Variants in ERMP1 observed in about 807,000 individuals in gnomAD.
The protein encoded by ERMP1 is endoplasmic reticulum metallopeptidase 1, also known as Felix-ina.
ERMP1 carries 86 observed loss-of-function variants against 92.0 expected under a neutral mutation model. The observed-to-expected ratio is 0.93, with a 90% CI of 0.79 to 1.12. The LOEUF is 1.12. ERMP1 is among the 50% of genes most tolerant of loss of function. The pLI, the probability that ERMP1 is intolerant of heterozygous loss-of-function variation, is 0.00. For synonymous variants in ERMP1, 530 were observed against 412.8 expected (o/e 1.28, Z -3.44); for missense variants, 1,342 against 1,116.3 (o/e 1.20, Z -2.88).
At chr9:5,810,437 G>A (rs988443941) in intron 7 of ERMP1, among the ~76,000 whole-genome samples, 1 of 152,146 alleles carries the variant, frequency 6.6e-6, no homozygotes, top group Non-Finnish European at 1.5e-5. Context: ...TTTATTAAGA[G>A]TCTCTAGATA....
intron 13 of ERMP1, among the ~76,000 whole-genome samples, chr9:5,794,092 C>T (rs181247881): frequency 6.6e-6 from 1 of 152,144 alleles, no homozygotes; most frequent in East Asian, 1.9e-4. Context: ...ACAAAGTATG[C>T]TCTCAGACCA....
intron 5 of ERMP1, among the ~76,000 whole-genome samples, chr9:5,863,565 C>T (rs1830564829): frequency 6.6e-6 from 1 of 152,144 alleles, no homozygotes; most frequent in South Asian, 2.1e-4. Flanking sequence ...TTGGGGCTGG[C>T]ACAGGTCCTC....
rs267602256 is a variant in ERMP1, at chr9:5,805,767, G to A, written c.1567C>T (p.Leu523=). Residue 523 remains leucine (L), a synonymous_variant, in exon 9 of 15, where the codon CTG becomes TTG. Coordinates refer to ENST00000339450, the MANE Select transcript of ERMP1 (RefSeq NM_024896.3). ...FYYMNASAQY[L]GEVFFDISLF... Reference sequence around the variant, plus strand: ...GAAATGTCAAAAAATACTTCTCCCAGATACTGGGCACTGGCATTCTGAAAG... The same window carrying A: ...GAAATGTCAAAAAATACTTCTCCCAAATACTGGGCACTGGCATTCTGAAAG... 2 of 1,606,878 alleles carry A rather than the reference G, an allele frequency of 1.2e-6. No individual in the cohort carries two copies. Among genetic ancestry groups the A allele is most frequent in the South Asian group, 2.2e-5 (2 of 89,754 alleles).
chr9:5,849,360 G>A (rs989957075), intron 6 of ERMP1, among the ~76,000 whole-genome samples: 2 of 152,192 alleles, frequency 1.3e-5, no homozygotes, highest in African/African-American at 4.8e-5. Context: ...GGAGAGAAGG[G>A]ATCCTACAGA....
intron 6 of ERMP1, among the ~76,000 whole-genome samples, chr9:5,838,861 A>G (rs369666804): frequency 3.3e-5 from 5 of 152,208 alleles, no homozygotes; most frequent in African/African-American, 1.2e-4. Flanking sequence ...TAGTAAATAA[A>G]AGAAAGGAAA....
intron 2 of ERMP1, among the ~76,000 whole-genome samples, chr9:5,828,639 C>T (rs1242038704): frequency 6.6e-6 from 1 of 152,154 alleles, no homozygotes; most frequent in African/African-American, 2.4e-5. Context: ...TCTAAGCCAC[C>T]TCTTTGAGAT....
At chr9:5,859,273 A>ATTTCTCTG (rs368728199) in intron 6 of ERMP1, among the ~76,000 whole-genome samples, 1 of 151,722 alleles carries the variant, frequency 6.6e-6, no homozygotes, top group Non-Finnish European at 1.5e-5. Flanking sequence ...ACACTTTGGC[A>ATTTCTCTG]AAGGGAGCTC....
chr9:5,787,314 A>G lies in ERMP1; in HGVS notation c.2551-6T>C. 6.2e-7 allele frequency: 1 copy of G among 1,610,584 alleles called. No homozygotes were observed. Among genetic ancestry groups the G allele is most frequent in the Non-Finnish European group, 8.5e-7 (1 of 1,178,578 alleles). ...TCAGGATGTTCTTCTGAAACCTGCC[A>G]GAGAAAATCAATTAGTTCTCCAGTT... On this transcript the variant is annotated splice_region_variant and splice_polypyrimidine_tract_variant and intron_variant, in intron 14 of 14. Transcript: ENST00000339450.
At chr9:5,804,976 T>G in intron 10 of ERMP1, 51 bp downstream of exon 10, 1 of 1,395,988 alleles carries the variant, frequency 7.2e-7, no homozygotes, top group East Asian at 2.4e-5. Context: ...ATGGCTAAAT[T>G]CATATTCATA....
At chr9:5,850,349 G>A (rs1411854628) in intron 6 of ERMP1, among the ~76,000 whole-genome samples, 2 of 129,478 alleles carry the variant, frequency 1.5e-5, no homozygotes, top group South Asian at 2.5e-4. Context: ...AAGTTGCAGT[G>A]AGCCAAGATC....
chr9:5,812,343 A>C, intron 5 of ERMP1, 126 bp from the exon 6 acceptor site: 1 of 599,408 alleles, frequency 1.7e-6, no homozygotes, highest in South Asian at 2.1e-5. Context: ...GCTTTGTCAC[A>C]TTTACAAACG....
upstream of ERMP1, among the ~76,000 whole-genome samples, chr9:5,838,045 G>A (rs1453283981): frequency 6.6e-6 from 1 of 152,240 alleles, no homozygotes; most frequent in South Asian, 2.1e-4. Context: ...CTTGCAGTGA[G>A]CCAACATCAC....
chr9:5,861,664 C>G (rs1830497960), intron 5 of ERMP1, among the ~76,000 whole-genome samples: 2 of 150,210 alleles, frequency 1.3e-5, no homozygotes, highest in South Asian at 2.1e-4. Context: ...GGGCTCCACT[C>G]TCTTCCCAGT....
At chr9:5,803,016 G>C (rs554085041) in intron 10 of ERMP1, among the ~76,000 whole-genome samples, 7 of 151,026 alleles carry the variant, frequency 4.6e-5, no homozygotes, top group Middle Eastern at 6.8e-3. Flanking sequence ...CTGAGTGACA[G>C]AGCGAGACTC....
chr9:5,854,357 T>C (rs1830346065), intron 6 of ERMP1, among the ~76,000 whole-genome samples: 1 of 152,224 alleles, frequency 6.6e-6, no homozygotes. Flanking sequence ...GCATAGCTAG[T>C]GCAACCTTTT....
At chr9:5,830,343 T>C (rs990069960) in intron 2 of ERMP1, among the ~76,000 whole-genome samples, 14 of 152,162 alleles carry the variant, frequency 9.2e-5, no homozygotes, top group Non-Finnish European at 1.9e-4. Flanking sequence ...GGACTGTCCT[T>C]ATGTGGTATC....
rs566946801 is a variant in ERMP1 at position 5,794,878 on chromosome 9, G to A, written c.2386+2939C>T. Reference sequence around the variant, plus strand: ...AAGCTTTTCAGAAGACAGAAGCAGAGGGAATACTTCTTAACCCATCCTATG... The same window carrying A: ...AAGCTTTTCAGAAGACAGAAGCAGAAGGAATACTTCTTAACCCATCCTATG... On this transcript the variant is annotated intron_variant, in intron 13 of 14. Transcript: ENST00000339450. 2.0e-5 allele frequency among the ~76,000 whole-genome samples: 3 copies of A among 152,268 alleles called. No individual in the cohort carries two copies. The East Asian group carries it at 5.8e-4, about 29-fold the overall frequency.
chr9:5,805,066 G>T lies in ERMP1; in HGVS notation c.1875C>A (p.Ser625=), dbSNP rs762344215. 17 of 1,612,774 alleles carry T rather than the reference G, an allele frequency of 1.1e-5. No individual in the cohort carries two copies. The East Asian group carries it at 3.1e-4, about 30-fold the overall frequency. ...SEIPPDVVLA[S]ILAGCTMILS... ...GAATCATTGTACAGCCAGCCAAAAT[G>T]GATGCCAGCACAACATCAGGTGGGA... Residue 625 remains serine (S), a synonymous_variant, in exon 10 of 15, where the codon TCC becomes TCA. Coordinates refer to ENST00000339450, the MANE Select transcript of ERMP1 (RefSeq NM_024896.3).
At chr9:5,831,316 T>C (rs1468034624) in intron 1 of ERMP1, among the ~76,000 whole-genome samples, 2 of 152,182 alleles carry the variant, frequency 1.3e-5, no homozygotes, top group Non-Finnish European at 2.9e-5. Flanking sequence ...TCAAAACGTG[T>C]GACCACTGGC....
Sources: gnomAD v4.1 joint callset for allele counts (sites outside exome capture counted in the v4.1 genomes callset) on GRCh38, gnomAD v4.1.1 for gene constraint, MANE v1.5 for transcripts, NCBI Gene and HGNC (gene_info 2026-07-23, HGNC 2026-07-21) for gene names.